UNC5D: variants seen among roughly 807,000 people sequenced by gnomAD.
UNC5D encodes netrin receptor UNC5D.
A neutral mutation model predicts 105.4 loss-of-function variants in UNC5D; 39 were observed. The observed-to-expected ratio is 0.37, with a 90% CI of 0.29 to 0.48. UNC5D has a LOEUF of 0.48. Ranked by LOEUF, UNC5D falls within the 20% of genes least tolerant of loss-of-function variation. UNC5D has a pLI of 0.98. For missense variants in UNC5D, 991 were observed against 1,202.4 expected (o/e 0.82, Z 2.60); for synonymous variants, 452 against 450.4 (o/e 1.00, Z -0.04).
At chr8:35,489,843 G>A (rs568579990) in intron 1 of UNC5D, among the ~76,000 whole-genome samples, 21 of 152,246 alleles carry the variant, frequency 1.4e-4, no homozygotes, top group African/African-American at 4.8e-4. Flanking sequence ...CATCTACTTT[G>A]AAATAATGAG....
At chr8:35,783,999 T>G (rs2131786573) in intron 16 of UNC5D, among the ~76,000 whole-genome samples, 1 of 152,318 alleles carries the variant, frequency 6.6e-6, no homozygotes, top group African/African-American at 2.4e-5. Flanking sequence ...AAAAATTTGC[T>G]TTTTAACTCA....
chr8:35,655,194 G>A (rs1470565017), intron 4 of UNC5D, among the ~76,000 whole-genome samples: 2 of 152,188 alleles, frequency 1.3e-5, no homozygotes, highest in African/African-American at 4.8e-5. Context: ...TACTAAACAT[G>A]CTCAAGCTAT....
intron 1 of UNC5D, among the ~76,000 whole-genome samples, chr8:35,513,821 T>C (rs1217543354): frequency 6.6e-6 from 1 of 152,218 alleles, no homozygotes; most frequent in Non-Finnish European, 1.5e-5. Flanking sequence ...TGTTTACCCA[T>C]TAAACAGGTT....
At chr8:35,466,011 G>T (rs1809281044) in intron 1 of UNC5D, among the ~76,000 whole-genome samples, 1 of 152,106 alleles carries the variant, frequency 6.6e-6, no homozygotes, top group Non-Finnish European at 1.5e-5. Flanking sequence ...AGGAACACAG[G>T]CTGCTGACAA....
chr8:35,550,943 A>G (rs1047862170), intron 2 of UNC5D, among the ~76,000 whole-genome samples: 1 of 152,234 alleles, frequency 6.6e-6, no homozygotes, highest in African/African-American at 2.4e-5. Flanking sequence ...TTTTGTTGAA[A>G]TATAAAATTT....
chr8:35,380,222 GGAGA>G (rs1319752379), intron 1 of UNC5D, among the ~76,000 whole-genome samples: 1 of 132,286 alleles, frequency 7.6e-6, no homozygotes, highest in African/African-American at 2.9e-5. Context: ...AGAGAGAGAG[GGAGA>G]GAGAGAGAGA....
At chr8:35,307,183 G>T (rs1808489149) in intron 1 of UNC5D, among the ~76,000 whole-genome samples, 1 of 152,178 alleles carries the variant, frequency 6.6e-6, no homozygotes, top group South Asian at 2.1e-4. Context: ...GTTGGGCTCT[G>T]TTCAAAGCTG....
At chr8:35,407,228 G>A (rs1184777329) in intron 1 of UNC5D, among the ~76,000 whole-genome samples, 1 of 151,996 alleles carries the variant, frequency 6.6e-6, no homozygotes, top group East Asian at 1.9e-4. Context: ...CAATATCTAA[G>A]TTTGTGTAAG....
At chr8:35,516,078 A>C (rs1486701939) in intron 1 of UNC5D, among the ~76,000 whole-genome samples, 1 of 152,132 alleles carries the variant, frequency 6.6e-6, no homozygotes, top group South Asian at 2.1e-4. Context: ...TTATCATCCT[A>C]CTTATTTATC....
chr8:35,326,752 T>C (rs1810193483), intron 1 of UNC5D, among the ~76,000 whole-genome samples: 1 of 151,358 alleles, frequency 6.6e-6, no homozygotes, highest in South Asian at 2.1e-4. Context: ...CAAGACTCTT[T>C]CTCTAAATAA....
intron 1 of UNC5D, among the ~76,000 whole-genome samples, chr8:35,366,917 T>A (rs765020562): frequency 6.6e-6 from 1 of 152,164 alleles, no homozygotes; most frequent in Non-Finnish European, 1.5e-5. Flanking sequence ...ATAATAGAGA[T>A]CATTCTTCTA....
At chr8:35,413,292 T>TTGTGTGTGTG (rs1554525296) in intron 1 of UNC5D, among the ~76,000 whole-genome samples, 21 of 128,042 alleles carry the variant, frequency 1.6e-4, no homozygotes, top group African/African-American at 6.4e-4. Flanking sequence ...TGTGTGTGTG[T>TTGTGTGTGTG]TGTGTGTGTG....
At chr8:35,612,967 G>A (rs1320614110) in intron 4 of UNC5D, among the ~76,000 whole-genome samples, 1 of 152,002 alleles carries the variant, frequency 6.6e-6, no homozygotes, top group African/African-American at 2.4e-5. Flanking sequence ...GATGGGATGG[G>A]GAGTGAATGC....
At chr8:35,566,462 G>A (rs370274961) in intron 2 of UNC5D, among the ~76,000 whole-genome samples, 2 of 152,208 alleles carry the variant, frequency 1.3e-5, no homozygotes, top group East Asian at 3.9e-4. Flanking sequence ...AGCATAGTTA[G>A]GTACTTAATT....
intron 4 of UNC5D, among the ~76,000 whole-genome samples, chr8:35,654,582 T>G (rs181678826): frequency 1.3e-5 from 2 of 152,330 alleles, no homozygotes; most frequent in African/African-American, 4.8e-5. Context: ...TTTAAATTGT[T>G]TACTTTATCA....
chr8:35,630,799 G>T (rs184588054), intron 4 of UNC5D, among the ~76,000 whole-genome samples: 95 of 152,190 alleles, frequency 6.2e-4, no homozygotes, highest in African/African-American at 1.8e-3. Context: ...GTACTGGGGT[G>T]GGGGGGAATA....
intron 8 of UNC5D, among the ~76,000 whole-genome samples, chr8:35,720,271 G>T (rs1454582385): frequency 3.3e-5 from 5 of 152,128 alleles, no homozygotes; most frequent in Non-Finnish European, 7.3e-5. Flanking sequence ...GAAAACTGAG[G>T]ATGTCTTTGT....
At chr8:35,428,335 C>T (rs1366281147) in intron 1 of UNC5D, among the ~76,000 whole-genome samples, 6 of 147,074 alleles carry the variant, frequency 4.1e-5, no homozygotes, top group African/African-American at 1.5e-4. Flanking sequence ...TACATGCCAC[C>T]ATGCCTGGCT....
chr8:35,766,335 C>T (rs1801765241), intron 14 of UNC5D, among the ~76,000 whole-genome samples: 1 of 151,910 alleles, frequency 6.6e-6, no homozygotes, highest in African/African-American at 2.4e-5. Flanking sequence ...TCCTTCCTCC[C>T]TCTTTCTCTC....
Sources: gnomAD v4.1 joint callset for allele counts (sites outside exome capture counted in the v4.1 genomes callset) on GRCh38, gnomAD v4.1.1 for gene constraint, MANE v1.5 for transcripts, NCBI Gene and HGNC (gene_info 2026-07-23, HGNC 2026-07-21) for gene names.